ERAP1: variants seen among roughly 807,000 people sequenced by gnomAD.
The protein encoded by ERAP1 is endoplasmic reticulum aminopeptidase 1, also known as adipocyte-derived leucine aminopeptidase.
In ERAP1, 86 loss-of-function variants were observed where a neutral mutation model predicts 103.7. That is an observed-to-expected ratio of 0.83 (90% CI 0.70 to 0.99). The LOEUF is 0.99. Ranked by LOEUF, ERAP1 falls within the 50% of genes least tolerant of loss-of-function variation. The pLI, the probability that ERAP1 is intolerant of heterozygous loss-of-function variation, is 0.00. For synonymous variants in ERAP1, 398 were observed against 402.4 expected (o/e 0.99, Z 0.13); for missense variants, 1,009 against 1,128.4 (o/e 0.89, Z 1.52).
chr5:96,935,749 G>T, the ERAP1 span: 1 of 201,066 alleles, frequency 5.0e-6, no homozygotes, highest in Non-Finnish European at 1.0e-5. Flanking sequence ...TTCTGGCGCA[G>T]TGCGGGTGTC....
chr5:96,910,868 A>G, the ERAP1 span, among the ~76,000 whole-genome samples: 1 of 152,220 alleles, frequency 6.6e-6, no homozygotes, highest in Non-Finnish European at 1.5e-5. Context: ...TATGCCAGCC[A>G]GGTATTGCTG....
chr5:96,773,010 C>CTTAA (rs1406580948), downstream of ERAP1: 1 of 153,818 alleles, frequency 6.5e-6, no homozygotes, highest in African/African-American at 2.4e-5. Flanking sequence ...TCAGTTTGCC[C>CTTAA]TTAATTTTTT....
the ERAP1 span, chr5:96,822,949 T>C: frequency 2.3e-6 from 1 of 429,124 alleles, no homozygotes; most frequent in East Asian, 7.1e-5. Context: ...GAGGCATGAC[T>C]GGAGAGGGAT....
the ERAP1 span, among the ~76,000 whole-genome samples, chr5:96,906,355 C>A: frequency 8.5e-5 from 13 of 152,272 alleles, no homozygotes; most frequent in Middle Eastern, 3.4e-3. Context: ...CAGCCTCAAC[C>A]TCCTGGGCTC....
At chr5:96,806,790 T>C (rs928186511) in intron 1 of ERAP1, among the ~76,000 whole-genome samples, 1 of 151,750 alleles carries the variant, frequency 6.6e-6, no homozygotes, top group Non-Finnish European at 1.5e-5. Flanking sequence ...TCTTCCAGAA[T>C]TTCCTGAACA....
intron 19 of ERAP1, chr5:96,766,050 T>C (rs750205580): frequency 3.4e-5 from 53 of 1,557,634 alleles, no homozygotes; most frequent in Non-Finnish European, 4.5e-5. Flanking sequence ...ACTGTTGATA[T>C]AGGAAAAAGC....
the ERAP1 span, chr5:96,909,799 TTC>T: frequency 6.3e-7 from 1 of 1,598,002 alleles, no homozygotes; most frequent in Non-Finnish European, 8.6e-7. Flanking sequence ...CTTTGTTCTT[TTC>T]TCTTTGATGT....
the ERAP1 span, chr5:96,909,083 G>T: frequency 1.2e-6 from 2 of 1,614,140 alleles, no homozygotes; most frequent in Non-Finnish European, 1.7e-6. Context: ...ATGATGGACA[G>T]AAGGAATATT....
Position 96,775,169 on chromosome 5 carries a change from A to G in ERAP1, c.*1227T>C. 4.1e-6 allele frequency: 4 copies of G among 985,066 alleles called. No individual in the cohort carries two copies. The highest frequency in any genetic ancestry group is 1.1e-4 in the East Asian group (1 of 8,958). 61.0% of individuals were successfully genotyped at this position (985,066 alleles called of 1,614,324 possible). On this transcript the variant is annotated 3_prime_UTR_variant, in exon 19 of 19. Coordinates refer to ENST00000443439, the MANE Select transcript of ERAP1 (RefSeq NM_001040458.3). Reference sequence around the variant, plus strand: ...GACTTGACTTGAACTCCGTTGGTTTACCATGTTAGTAAACTGTGCTTTCTA... The same window carrying G: ...GACTTGACTTGAACTCCGTTGGTTTGCCATGTTAGTAAACTGTGCTTTCTA...
the ERAP1 span, among the ~76,000 whole-genome samples, chr5:96,828,154 C>T: frequency 6.6e-6 from 1 of 152,144 alleles, no homozygotes; most frequent in Non-Finnish European, 1.5e-5. Flanking sequence ...TAGAGACCAT[C>T]TTTGTTGTCT....
the ERAP1 span, among the ~76,000 whole-genome samples, chr5:96,820,007 A>C: frequency 6.6e-6 from 1 of 152,198 alleles, no homozygotes; most frequent in South Asian, 2.1e-4. Context: ...CACTTCACCC[A>C]TATGTGGGCC....
the ERAP1 span, among the ~76,000 whole-genome samples, chr5:96,911,879 AAAG>A: frequency 1.1e-4 from 14 of 125,672 alleles, no homozygotes; most frequent in Non-Finnish European, 2.2e-4. Context: ...AAAAAAAAAA[AAAG>A]AAAGAAAGAA....
At chr5:96,860,170 C>T in the ERAP1 span, among the ~76,000 whole-genome samples, 2 of 152,168 alleles carry the variant, frequency 1.3e-5, no homozygotes, top group African/African-American at 4.8e-5. Flanking sequence ...TCTTCTGCCT[C>T]AGCCTCCAGA....
intron 18 of ERAP1, chr5:96,776,870 G>A: frequency 3.9e-6 from 1 of 258,018 alleles, no homozygotes; most frequent in African/African-American, 2.3e-5. Flanking sequence ...TCTCACAGAT[G>A]CAAACTTCGT....
chr5:96,856,738 G>C, the ERAP1 span, among the ~76,000 whole-genome samples: 1 of 151,990 alleles, frequency 6.6e-6, no homozygotes, highest in Non-Finnish European at 1.5e-5. Context: ...CCCTACTTAC[G>C]GCATAGTTGT....
At chr5:96,927,638 C>T in the ERAP1 span, among the ~76,000 whole-genome samples, 2 of 152,112 alleles carry the variant, frequency 1.3e-5, no homozygotes, top group Admixed American at 6.5e-5. Context: ...AGGCGCCCGC[C>T]ACCGCGCCTG....
chr5:96,772,427 T>C (rs1440647337), downstream of ERAP1: 1 of 48,424 alleles, frequency 2.1e-5, no homozygotes, highest in African/African-American at 6.3e-5. Context: ...CCATGTTTAT[T>C]TCCTAGGAAA....
At chr5:96,772,266 A>T (rs1050314733), downstream of ERAP1, 2 of 153,666 alleles carry the variant, frequency 1.3e-5, no homozygotes, top group African/African-American at 4.8e-5. Context: ...GATTGAAGGG[A>T]TTTCTGAGAT....
chr5:96,892,556 A>G, the ERAP1 span: 2 of 1,372,068 alleles, frequency 1.5e-6, no homozygotes, highest in Non-Finnish European at 1.0e-6. Flanking sequence ...ATTTACCTCT[A>G]GAGGGGAACT....
Sources: gnomAD v4.1 joint callset for allele counts (sites outside exome capture counted in the v4.1 genomes callset) on GRCh38, gnomAD v4.1.1 for gene constraint, MANE v1.5 for transcripts, NCBI Gene and HGNC (gene_info 2026-07-23, HGNC 2026-07-21) for gene names.